The following TCF12 variants were observed in gnomAD, a reference collection of about 807,000 sequenced individuals.
TCF12 encodes transcription factor 12.
TCF12 carries 45 observed loss-of-function variants against 86.0 expected under a neutral mutation model. That is an observed-to-expected ratio of 0.52 (90% CI 0.41 to 0.67). TCF12 has a LOEUF of 0.67. Among genes scored for constraint, TCF12 ranks in the 30% least tolerant of loss-of-function variants. TCF12 has a pLI of 0.00. For synonymous variants in TCF12, 330 were observed against 299.6 expected, an observed-to-expected ratio of 1.10 and a Z score of -1.05; for missense variants, 881 against 859.9, an observed-to-expected ratio of 1.02 and a Z score of -0.31.
At chr15:57,043,156 C>T (rs2951900) in intron 3 of TCF12, among the ~76,000 whole-genome samples, 27,282 of 151,870 alleles carry the variant, frequency 0.18, 2,979 homozygotes, top group Non-Finnish European at 0.24. Context: ...CATCTAAAGA[C>T]CCACTAAAAC....
intron 3 of TCF12, among the ~76,000 whole-genome samples, chr15:56,931,959 G>C (rs959758485): frequency 6.6e-6 from 1 of 152,176 alleles, no homozygotes; most frequent in Non-Finnish European, 1.5e-5. Flanking sequence ...AAAGTTTGTA[G>C]GGGTTTGAGA....
chr15:56,919,604 C>A, intron 1 of TCF12: 3 of 229,868 alleles, frequency 1.3e-5, no homozygotes, highest in Non-Finnish European at 2.6e-5. Context: ...CAGGGGGCGC[C>A]GAGGAGGTGG....
intron 6 of TCF12, among the ~76,000 whole-genome samples, chr15:57,174,913 T>C (rs1326271535): frequency 6.6e-6 from 1 of 152,114 alleles, no homozygotes; most frequent in East Asian, 1.9e-4. Flanking sequence ...GTTATAGATT[T>C]CAAGGCCACC....
intron 20 of TCF12, among the ~76,000 whole-genome samples, chr15:57,283,848 A>C (rs2061811328): frequency 6.6e-6 from 1 of 152,104 alleles, no homozygotes; most frequent in African/African-American, 2.4e-5. Context: ...AAATGAGACT[A>C]CATATAGGGT....
rs1278346857 is a variant in TCF12, at chr15:57,253,328, G to A, written c.1327G>A (p.Val443Met). The A allele has an allele frequency of 6.2e-7, 1 of 1,614,074 alleles. No individual in the cohort carries two copies. The highest frequency in any genetic ancestry group is 1.1e-5 in the South Asian group (1 of 91,084). The change falls in exon 16 of 21, where the codon GTG becomes ATG. Residue 443 changes from valine to methionine, a missense_variant. Physicochemically the swap from Val to Met is conservative, Grantham distance 21. Around this residue, in one of 3 missense-constraint regions of TCF12, gnomAD observed 766 missense variants for 718.9 expected, o/e 1.07. Transcript: ENST00000333725. Reference protein sequence around the residue: ...DAIHVLRNHAVGPSTSLPAGH... With the variant: ...DAIHVLRNHAMGPSTSLPAGH... ...AATCCATGTGCTGCGGAACCATGCT[G>A]TGGGACCTTCCACCAGTTTGCCTGC...
At chr15:57,151,498 G>A (rs1216666515) in intron 5 of TCF12, among the ~76,000 whole-genome samples, 4 of 152,210 alleles carry the variant, frequency 2.6e-5, no homozygotes. Context: ...CAGGCACGGT[G>A]GCTCACGCCT....
intron 5 of TCF12, among the ~76,000 whole-genome samples, chr15:57,155,604 G>A (rs1341831693): frequency 9.2e-5 from 14 of 152,088 alleles, no homozygotes; most frequent in Non-Finnish European, 1.9e-4. Flanking sequence ...AGACCAGCCT[G>A]GGCAACATAA....
At chr15:57,114,865 A>T (rs557133003) in intron 5 of TCF12, among the ~76,000 whole-genome samples, 12 of 152,258 alleles carry the variant, frequency 7.9e-5, no homozygotes, top group African/African-American at 2.9e-4. Context: ...ATATATATTG[A>T]ATACGTGAAT....
intron 3 of TCF12, among the ~76,000 whole-genome samples, chr15:56,956,094 T>G: frequency 6.6e-6 from 1 of 152,068 alleles, no homozygotes; most frequent in Non-Finnish European, 1.5e-5. Flanking sequence ...TTTCTTGTTT[T>G]TACATTTAAC....
intron 3 of TCF12, among the ~76,000 whole-genome samples, chr15:56,964,542 C>G (rs796430539): frequency 6.6e-5 from 10 of 152,264 alleles, no homozygotes; most frequent in African/African-American, 2.2e-4. Context: ...TTCAGCCTCT[C>G]TAAACACTAC....
intron 5 of TCF12, among the ~76,000 whole-genome samples, chr15:57,131,732 A>C (rs1340939138): frequency 1.3e-5 from 2 of 152,312 alleles, no homozygotes; most frequent in East Asian, 3.9e-4. Context: ...ACAAAGGGAG[A>C]TTATAAATGA....
intron 5 of TCF12, among the ~76,000 whole-genome samples, chr15:57,153,666 G>A (rs960955218): frequency 1.2e-4 from 19 of 152,086 alleles, no homozygotes; most frequent in Admixed American, 1.1e-3. Flanking sequence ...GAGGGCAATC[G>A]CTAAGAAATT....
chr15:57,255,299 C>A (rs1258960179), intron 16 of TCF12, among the ~76,000 whole-genome samples: 1 of 152,106 alleles, frequency 6.6e-6, no homozygotes, highest in Non-Finnish European at 1.5e-5. Context: ...AAATGTAGTC[C>A]TCCAAAGCCA....
chr15:57,178,025 T>G (rs1251898877), intron 6 of TCF12, among the ~76,000 whole-genome samples: 1 of 152,252 alleles, frequency 6.6e-6, no homozygotes, highest in East Asian at 1.9e-4. Context: ...AAAGTCCGTT[T>G]ATTCTTTCGT....
chr15:57,022,634 ATCGCCACCACTG>A (rs1183290164), intron 3 of TCF12, among the ~76,000 whole-genome samples: 1 of 152,222 alleles, frequency 6.6e-6, no homozygotes, highest in Admixed American at 6.5e-5. Context: ...TCCTTGTGGA[ATCGCCACCACTG>A]TCTTCCACAA....
chr15:57,207,166 C>T (rs957030830), intron 8 of TCF12, among the ~76,000 whole-genome samples: 1 of 152,078 alleles, frequency 6.6e-6, no homozygotes, highest in Non-Finnish European at 1.5e-5. Context: ...GCTTGGGAAT[C>T]GGTTCCAACC....
At chr15:57,142,146 A>G (rs551093829) in intron 5 of TCF12, among the ~76,000 whole-genome samples, 12 of 152,312 alleles carry the variant, frequency 7.9e-5, no homozygotes, top group African/African-American at 2.6e-4. Context: ...GAAGTTGGCT[A>G]TATACAGGGG....
In TCF12 at chr15:57,248,798, G is replaced by A. The variant is rs189029745; in HGVS notation, c.1115-2552G>A. ...CACATTGAAGATAGACCTTTGTACAGTTTTTTTAATAGCACCAAAAATTAT... is the reference window on the plus strand; with the variant it reads ...CACATTGAAGATAGACCTTTGTACAATTTTTTTAATAGCACCAAAAATTAT... On this transcript the variant is annotated intron_variant, in intron 13 of 20. Coordinates refer to ENST00000333725, the MANE Select transcript of TCF12 (RefSeq NM_207037.2). Among the ~76,000 whole-genome samples the A allele has an allele frequency of 1.0e-3, 157 of 152,280 alleles. 2 individuals are homozygous for A. The highest frequency in any genetic ancestry group is 3.5e-3 in the African/African-American group (144 of 41,556).
At position 57,289,490 on chromosome 15, in the gene TCF12, A is replaced by G. The variant is rs2062034424; in HGVS notation, c.*3345A>G. 6.6e-6 allele frequency: 1 copy of G among 152,150 alleles called. No homozygotes were observed. The highest frequency in any genetic ancestry group is 6.5e-5 in the Admixed American group (1 of 15,282). 9.4% of individuals were successfully genotyped at this position (152,150 alleles called of 1,614,324 possible). A position where few individuals can be genotyped will look rare whatever the true frequency, so the allele number is the denominator to read the frequency against. On this transcript the variant is annotated 3_prime_UTR_variant, in exon 21 of 21. Transcript: ENST00000333725. ...TTTCTCTTTCTCTTTGCAGATTTCT[A>G]GGCCGCTTCTGCTCAGTGTCTTCAT... is the stretch of plus-strand genomic sequence containing the variant.
Sources: allele counts gnomAD v4.1 joint callset (sites outside exome capture counted in the v4.1 genomes callset), GRCh38; gene constraint gnomAD v4.1.1; regional missense constraint gnomAD v4.1.1; transcripts MANE v1.5; gene names NCBI Gene and HGNC (gene_info 2026-07-23, HGNC 2026-07-21).